Variants in MAGI2 observed in about 807,000 individuals in gnomAD.
MAGI2 encodes membrane-associated guanylate kinase, WW and PDZ domain-containing protein 2.
MAGI2 carries 35 observed loss-of-function variants against 133.3 expected under a neutral mutation model. The ratio of observed to expected loss-of-function variants is 0.26; its 90% CI spans 0.20 to 0.35. The LOEUF (loss-of-function observed/expected upper bound fraction) is 0.35, where lower values mean the gene tolerates loss of function less well. MAGI2 is among the 10% of genes least tolerant of loss of function. The probability of loss-of-function intolerance (pLI) is 1.00; values close to 1 mark genes in which losing one functional copy is unlikely to be tolerated. For synonymous variants in MAGI2, 729 were observed against 710.6 expected, an observed-to-expected ratio of 1.03 and a Z score of -0.41; for missense variants, 1,636 against 1,863.4, an observed-to-expected ratio of 0.88 and a Z score of 2.25.
intron 6 of MAGI2, among the ~76,000 whole-genome samples, chr7:78,406,544 T>C (rs1797393210): frequency 6.6e-6 from 1 of 151,996 alleles, no homozygotes; most frequent in African/African-American, 2.4e-5. Context: ...GATTTATGAG[T>C]TTCCTATGAC....
At chr7:79,445,113 T>C (rs1206912374) in intron 1 of MAGI2, among the ~76,000 whole-genome samples, 3 of 152,218 alleles carry the variant, frequency 2.0e-5, no homozygotes, top group East Asian at 1.9e-4. Context: ...GCTAGCCATA[T>C]GTAGAAAGCT....
intron 1 of MAGI2, among the ~76,000 whole-genome samples, chr7:79,446,049 A>T (rs951246397): frequency 2.6e-5 from 4 of 152,212 alleles, no homozygotes; most frequent in African/African-American, 9.6e-5. Context: ...CGTCATTCTC[A>T]GCAAATTATC....
At position 78,098,784 on chromosome 7, in the gene MAGI2, A is replaced by C. The variant is rs534311469; in HGVS notation, c.3568-19699T>G. ...CAATGTTTGGAGTTGCCAGACTTTAAACTTTTGCCAATTTGATGGATATAA... is the reference window on the plus strand; with the variant it reads ...CAATGTTTGGAGTTGCCAGACTTTACACTTTTGCCAATTTGATGGATATAA... On this transcript the variant is annotated intron_variant, in intron 20 of 21. Transcript: ENST00000354212. Among the ~76,000 whole-genome samples the C allele has an allele frequency of 5.9e-5, 9 of 152,270 alleles. No homozygotes were observed. The South Asian group carries it at 1.9e-3, about 32-fold the overall frequency.
At chr7:78,607,216 G>C (rs1444132871) in intron 3 of MAGI2, among the ~76,000 whole-genome samples, 3 of 152,098 alleles carry the variant, frequency 2.0e-5, no homozygotes, top group Non-Finnish European at 4.4e-5. Context: ...AGAGGTGAGA[G>C]AAAACATCAC....
chr7:78,716,958 T>A (rs906459929), intron 2 of MAGI2, among the ~76,000 whole-genome samples: 8 of 151,970 alleles, frequency 5.3e-5, no homozygotes, highest in African/African-American at 1.9e-4. Context: ...CCGGTCAGAG[T>A]GGAAAATTCC....
At chr7:78,300,488 T>C (rs1797731770) in intron 9 of MAGI2, among the ~76,000 whole-genome samples, 1 of 152,138 alleles carries the variant, frequency 6.6e-6, no homozygotes, top group Non-Finnish European at 1.5e-5. Context: ...TATCCATGAA[T>C]TTTCATATAA....
intron 3 of MAGI2, among the ~76,000 whole-genome samples, chr7:78,600,461 A>T (rs1179619236): frequency 6.6e-6 from 1 of 152,184 alleles, no homozygotes; most frequent in Non-Finnish European, 1.5e-5. Flanking sequence ...TGATTAACAG[A>T]TTGAAGTAAG....
intron 10 of MAGI2, among the ~76,000 whole-genome samples, chr7:78,228,473 G>C (rs562727705): frequency 6.6e-6 from 1 of 152,156 alleles, no homozygotes. Context: ...AGTAAGCAAG[G>C]TTCTAACAGG....
At chr7:78,548,206 G>A (rs1036837544) in intron 3 of MAGI2, among the ~76,000 whole-genome samples, 3 of 152,126 alleles carry the variant, frequency 2.0e-5, no homozygotes, top group Non-Finnish European at 2.9e-5. Flanking sequence ...TTCTAACGTT[G>A]GAAAGTTCAC....
At chr7:78,161,813 G>A (rs1424256222) in intron 15 of MAGI2, among the ~76,000 whole-genome samples, 1 of 151,916 alleles carries the variant, frequency 6.6e-6, no homozygotes, top group African/African-American at 2.4e-5. Flanking sequence ...TTATTATTTG[G>A]TAAATTTGAT....
At chr7:78,414,523 G>C (rs541898791) in intron 6 of MAGI2, among the ~76,000 whole-genome samples, 3 of 151,854 alleles carry the variant, frequency 2.0e-5, no homozygotes, top group East Asian at 3.9e-4. Flanking sequence ...CTTATTAGTA[G>C]GACAAAATTC....
At chr7:78,529,667 G>GTTTTTTTTTTTTTTTTTT (rs1563128653) in intron 3 of MAGI2, among the ~76,000 whole-genome samples, 4 of 56,320 alleles carry the variant, frequency 7.1e-5, no homozygotes, top group African/African-American at 2.6e-4. Context: ...TAAAGGAGAT[G>GTTTTTTTTTTTTTTTTTT]GTTTTTTTTT....
intron 20 of MAGI2, among the ~76,000 whole-genome samples, chr7:78,104,554 G>A (rs1442392175): frequency 6.6e-6 from 1 of 151,980 alleles, no homozygotes; most frequent in East Asian, 1.9e-4. Flanking sequence ...CTACAGCCTA[G>A]TCCCATGCCA....
chr7:78,129,211 T>C (rs113873093), intron 18 of MAGI2, among the ~76,000 whole-genome samples: 12 of 147,480 alleles, frequency 8.1e-5, no homozygotes, highest in African/African-American at 1.5e-4. Flanking sequence ...TAGGAGCAGA[T>C]GAAACTTTCA....
intron 1 of MAGI2, among the ~76,000 whole-genome samples, chr7:79,246,165 C>T (rs1250441745): frequency 6.6e-6 from 1 of 152,088 alleles, no homozygotes; most frequent in African/African-American, 2.4e-5. Flanking sequence ...ATGGAAAATC[C>T]TCCCAAGAAG....
chr7:79,043,561 A>AG (rs1257152731), intron 1 of MAGI2, among the ~76,000 whole-genome samples: 1 of 150,696 alleles, frequency 6.6e-6, no homozygotes, highest in Non-Finnish European at 1.5e-5. Context: ...AAAAAAAAAA[A>AG]AAAGAAATTG....
intron 3 of MAGI2, among the ~76,000 whole-genome samples, chr7:78,564,162 G>T (rs1028725796): frequency 6.6e-6 from 1 of 152,134 alleles, no homozygotes; most frequent in Non-Finnish European, 1.5e-5. Flanking sequence ...AACTGTGGAA[G>T]AATCCCGCAC....
At chr7:78,226,013 A>G (rs1789337149) in intron 10 of MAGI2, among the ~76,000 whole-genome samples, 1 of 152,236 alleles carries the variant, frequency 6.6e-6, no homozygotes, top group African/African-American at 2.4e-5. Context: ...ATTCAAATCC[A>G]AAAGCCAAAT....
At chr7:79,274,155 A>G (rs1370285340) in intron 1 of MAGI2, among the ~76,000 whole-genome samples, 1 of 152,114 alleles carries the variant, frequency 6.6e-6, no homozygotes, top group Non-Finnish European at 1.5e-5. Flanking sequence ...GTCCCATGAA[A>G]TATTTAGAAC....
Sources: gnomAD v4.1 joint callset for allele counts (sites outside exome capture counted in the v4.1 genomes callset) on GRCh38, gnomAD v4.1.1 for gene constraint, MANE v1.5 for transcripts, NCBI Gene and HGNC (gene_info 2026-07-23, HGNC 2026-07-21) for gene names.